Variants in STMP1 observed in about 807,000 individuals in gnomAD.
STMP1 encodes the protein short transmembrane mitochondrial protein 1.
Under a neutral mutation model 7.0 loss-of-function variants are expected in STMP1, and 7 were observed. The ratio of observed to expected loss-of-function variants is 1.01; its 90% CI spans 0.57 to 1.89. The LOEUF (loss-of-function observed/expected upper bound fraction) is 1.89. Ranked by LOEUF, STMP1 falls within the 40% of genes most tolerant of loss-of-function variation. The pLI is 0.00. For synonymous variants in STMP1, 19 were observed against 18.4 expected (o/e 1.03, Z -0.08); for missense variants, 45 against 53.0 (o/e 0.85, Z 0.47).
intron 1 of STMP1, among the ~76,000 whole-genome samples, chr7:135,669,720 A>C (rs1445613452): frequency 6.6e-6 from 1 of 152,242 alleles, no homozygotes; most frequent in African/African-American, 2.4e-5. Flanking sequence ...TTGGTGTGAG[A>C]CATATTCTCC....
chr7:135,673,933 A>G (rs1795382591), intron 2 of STMP1, among the ~76,000 whole-genome samples, 158 bp from the exon 3 acceptor site: 1 of 152,186 alleles, frequency 6.6e-6, no homozygotes, highest in Admixed American at 6.5e-5. Flanking sequence ...GTGAAACCCT[A>G]TCTTAAAAAA....
chr7:135,669,117 T>C (rs141440510), intron 1 of STMP1, among the ~76,000 whole-genome samples: 1,786 of 152,298 alleles, frequency 0.012, 48 homozygotes, highest in African/African-American at 0.04. Context: ...ATGAGACATA[T>C]TCACTATCAC....
At chr7:135,667,291 A>ACC (rs1405011117) in intron 1 of STMP1, among the ~76,000 whole-genome samples, 1 of 152,116 alleles carries the variant, frequency 6.6e-6, no homozygotes, top group Non-Finnish European at 1.5e-5. Context: ...GCTCACTGCA[A>ACC]CCTCTGCTTC....
intron 1 of STMP1, among the ~76,000 whole-genome samples, chr7:135,670,329 T>A (rs79034592): frequency 0.018 from 2,781 of 152,252 alleles, 78 homozygotes; most frequent in African/African-American, 0.06. Flanking sequence ...TGTGATGGCA[T>A]TCAGCTGACA....
chr7:135,664,071 A>AG (rs1181931766), intron 1 of STMP1, among the ~76,000 whole-genome samples: 1 of 143,608 alleles, frequency 7.0e-6, no homozygotes, highest in Non-Finnish European at 1.6e-5. Flanking sequence ...CAGCTAAGAC[A>AG]GGGCTGCTCC....
At chr7:135,663,584 T>A (rs189501355) in intron 1 of STMP1, among the ~76,000 whole-genome samples, 29 of 152,334 alleles carry the variant, frequency 1.9e-4, no homozygotes, top group African/African-American at 6.7e-4. Context: ...CCTCAAGTGA[T>A]CAACCCACCT....
intron 1 of STMP1, among the ~76,000 whole-genome samples, chr7:135,663,887 G>C (rs541911150): frequency 4.2e-4 from 64 of 151,620 alleles, no homozygotes; most frequent in African/African-American, 1.5e-3. Context: ...CTCGGGATCT[G>C]CCTGCCTCAG....
chr7:135,665,577 GCTC>G (rs1435165782), intron 1 of STMP1: 2 of 149,310 alleles, frequency 1.3e-5, no homozygotes, highest in East Asian at 3.9e-4. Context: ...TTGAGCCACT[GCTC>G]CTAGACTTTT....
At chr7:135,673,472 C>T (rs1795376523) in intron 2 of STMP1, among the ~76,000 whole-genome samples, 1 of 151,188 alleles carries the variant, frequency 6.6e-6, no homozygotes, top group South Asian at 2.1e-4. Context: ...TTGAGTCATA[C>T]AGTTTTCTAG....
intron 1 of STMP1, among the ~76,000 whole-genome samples, chr7:135,666,727 C>T (rs866251492): frequency 6.6e-6 from 1 of 152,100 alleles, no homozygotes; most frequent in African/African-American, 2.4e-5. Flanking sequence ...TATCTTGCAC[C>T]TTGTTTGTTA....
intron 2 of STMP1, 76 bp from the exon 3 acceptor site, chr7:135,674,015 A>C (rs1795383694): frequency 1.1e-6 from 1 of 903,402 alleles, no homozygotes; most frequent in Non-Finnish European, 1.7e-6. Flanking sequence ...AAAACCATTT[A>C]TCTTTGGAGG....
rs1024333116 is a variant in STMP1 at position 135,674,406 on chromosome 7, A to G, written c.*241A>G. ...TTCCAACTGCATGGGAGGTTCTAAGACTGGAATTATGGTGCTAGATTAGTA... is the reference window on the plus strand; with the variant it reads ...TTCCAACTGCATGGGAGGTTCTAAGGCTGGAATTATGGTGCTAGATTAGTA... On this transcript the variant is annotated 3_prime_UTR_variant, in exon 3 of 3. Transcript: ENST00000507606. The G allele has an allele frequency of 6.9e-6, 3 of 432,282 alleles. No individual in the cohort carries two copies. Among genetic ancestry groups the G allele is most frequent in the African/African-American group, 4.0e-5 (2 of 49,628 alleles). 26.8% of individuals were successfully genotyped at this position (432,282 alleles called of 1,614,324 possible).
intron 2 of STMP1, 130 bp downstream of exon 2, chr7:135,672,936 T>C (rs1795371915): frequency 1.4e-6 from 1 of 724,020 alleles, no homozygotes; most frequent in Non-Finnish European, 2.3e-6. Flanking sequence ...TCCTGAATAT[T>C]GTAGAATGGT....
chr7:135,667,452 A>T (rs1244566775), intron 1 of STMP1, among the ~76,000 whole-genome samples: 1 of 152,180 alleles, frequency 6.6e-6, no homozygotes, highest in Non-Finnish European at 1.5e-5. Context: ...ACCTCAGGTG[A>T]TCCCCCAACC....
intron 1 of STMP1, among the ~76,000 whole-genome samples, chr7:135,663,454 C>G (rs1206929114): frequency 6.6e-6 from 1 of 151,908 alleles, no homozygotes; most frequent in Non-Finnish European, 1.5e-5. Flanking sequence ...AACCGATTCT[C>G]CCTCCTCGGC....
intron 1 of STMP1, among the ~76,000 whole-genome samples, chr7:135,668,470 T>C (rs1158221256): frequency 6.6e-6 from 1 of 152,088 alleles, no homozygotes; most frequent in African/African-American, 2.4e-5. Flanking sequence ...TGGCATGATC[T>C]CAGCTCACTG....
chr7:135,662,684 C>A, intron 1 of STMP1, 90 bp downstream of exon 1: 1 of 1,454,790 alleles, frequency 6.9e-7, no homozygotes, highest in Non-Finnish European at 9.2e-7. Context: ...CCCGCCGACC[C>A]GGCCTGGGCG....
At position 135,676,284 on chromosome 7, in the gene STMP1, C is replaced by T. The variant is rs1563151111; in HGVS notation, c.*2119C>T. The T allele has an allele frequency of 6.6e-6, 1 of 152,172 alleles. No homozygotes were observed. The highest frequency in any genetic ancestry group is 1.5e-5 in the Non-Finnish European group (1 of 68,024). The allele number at this position is 152,172 out of a possible 1,614,324, so 9.4% of individuals were successfully genotyped here. Reference sequence around the variant, plus strand: ...GGTTTGTAGCTTATTCTTTCAGAAACTCTTGCATTATCTGTAGACGTGGAC... The same window carrying T: ...GGTTTGTAGCTTATTCTTTCAGAAATTCTTGCATTATCTGTAGACGTGGAC... On this transcript the variant is annotated 3_prime_UTR_variant, in exon 3 of 3. Transcript: ENST00000507606.
intron 1 of STMP1, among the ~76,000 whole-genome samples, chr7:135,664,823 G>A (rs546925156): frequency 4.5e-4 from 69 of 152,176 alleles, no homozygotes; most frequent in African/African-American, 1.5e-3. Context: ...AGTTGAGCAA[G>A]TATTTCTCTT....
Sources: allele counts gnomAD v4.1 joint callset (sites outside exome capture counted in the v4.1 genomes callset), GRCh38; gene constraint gnomAD v4.1.1; transcripts MANE v1.5; gene names NCBI Gene and HGNC (gene_info 2026-07-23, HGNC 2026-07-21).